The following ZNF536 variants were observed in gnomAD, a reference collection of about 807,000 sequenced individuals.
The protein encoded by ZNF536 is zinc finger protein 536.
Under a neutral mutation model 84.5 loss-of-function variants are expected in ZNF536, and 13 were observed. The ratio of observed to expected loss-of-function variants is 0.15; its 90% CI spans 0.10 to 0.24. ZNF536 has a LOEUF of 0.24. Among genes scored for constraint, ZNF536 ranks in the 10% least tolerant of loss-of-function variants. The pLI is 1.00. For missense variants in ZNF536, 1,536 were observed against 1,747.5 expected (o/e 0.88, Z 2.16); for synonymous variants, 811 against 742.5 (o/e 1.09, Z -1.50).
chr19:30,501,382 T>G (rs1599604401), intron 2 of ZNF536, among the ~76,000 whole-genome samples: 1 of 152,212 alleles, frequency 6.6e-6, no homozygotes, highest in East Asian at 1.9e-4. Flanking sequence ...TCTGACATCA[T>G]AGCTCATGCT....
chr19:30,283,698 G>A (rs2045531387), intron 1 of ZNF536, among the ~76,000 whole-genome samples: 1 of 151,836 alleles, frequency 6.6e-6, no homozygotes. Context: ...TTCACTTTGA[G>A]AATTCTAAAG....
intron 2 of ZNF536, among the ~76,000 whole-genome samples, chr19:30,471,828 G>A (rs1468584979): frequency 2.6e-5 from 4 of 152,170 alleles, no homozygotes; most frequent in Non-Finnish European, 5.9e-5. Context: ...CAGCAACTCT[G>A]TAATTTTTTT....
chr19:30,400,379 T>A (rs1358804233), intron 1 of ZNF536, among the ~76,000 whole-genome samples: 1 of 152,250 alleles, frequency 6.6e-6, no homozygotes, highest in Non-Finnish European at 1.5e-5. Flanking sequence ...GTTTGCATCC[T>A]CAGCAGCATT....
chr19:30,660,255 G>A (rs2050076723), intron 1 of ZNF536, among the ~76,000 whole-genome samples: 1 of 152,122 alleles, frequency 6.6e-6, no homozygotes, highest in African/African-American at 2.4e-5. Context: ...TGCAGTTTCA[G>A]CACCCAGGCT....
intron 1 of ZNF536, among the ~76,000 whole-genome samples, chr19:30,612,487 G>T (rs1568602669): frequency 6.6e-6 from 1 of 152,158 alleles, no homozygotes; most frequent in Non-Finnish European, 1.5e-5. Context: ...CATGGAGAGA[G>T]GAAAACACGG....
chr19:30,319,944 C>T lies in ZNF536; in HGVS notation c.-119-32424C>T, dbSNP rs1234873305. 3.3e-5 allele frequency among the ~76,000 whole-genome samples: 5 copies of T among 152,222 alleles called. No individual in the cohort carries two copies. The East Asian group carries it at 9.7e-4, about 29-fold the overall frequency. On this transcript the variant is annotated intron_variant, in intron 2 of 5. Transcript: ENST00000585628. ...GTTTTGGGGAAAAAAATGGAGATAGCTTTGTGTGCTCTTACTTTTTATAGC... is the reference window on the plus strand; with the variant it reads ...GTTTTGGGGAAAAAAATGGAGATAGTTTTGTGTGCTCTTACTTTTTATAGC...
chr19:30,618,716 T>C (rs528565621), intron 1 of ZNF536, among the ~76,000 whole-genome samples: 6 of 152,164 alleles, frequency 3.9e-5, no homozygotes, highest in Non-Finnish European at 8.8e-5. Context: ...ATTTTCATAA[T>C]ACTCTCAAAT....
At chr19:30,266,205 T>G (rs1010445279) in intron 1 of ZNF536, among the ~76,000 whole-genome samples, 1 of 152,180 alleles carries the variant, frequency 6.6e-6, no homozygotes, top group Non-Finnish European at 1.5e-5. Flanking sequence ...CGAGCCACCA[T>G]GCCTGGCTAA....
At chr19:30,382,113 C>T (rs986935526) in intron 1 of ZNF536, among the ~76,000 whole-genome samples, 65 of 152,278 alleles carry the variant, frequency 4.3e-4, no homozygotes, top group Middle Eastern at 3.4e-3. Flanking sequence ...TTCTTTTCCA[C>T]GGATTGCTAC....
downstream of ZNF536, among the ~76,000 whole-genome samples, chr19:30,559,419 A>C (rs2046078502): frequency 6.6e-6 from 1 of 152,162 alleles, no homozygotes; most frequent in South Asian, 2.1e-4. Flanking sequence ...GCCCCAGGAG[A>C]GGTTTTTCTT....
chr19:30,496,689 G>T (rs2054732868), intron 2 of ZNF536, among the ~76,000 whole-genome samples: 1 of 152,070 alleles, frequency 6.6e-6, no homozygotes, highest in Admixed American at 6.5e-5. Context: ...GAGATGGGGG[G>T]GTTTGGGCAG....
chr19:30,434,036 C>T (rs117793228), intron 1 of ZNF536, among the ~76,000 whole-genome samples: 11 of 151,840 alleles, frequency 7.2e-5, no homozygotes, highest in Admixed American at 3.9e-4. Context: ...TCTGTTAGAG[C>T]GATAAAGAAA....
intron 1 of ZNF536, among the ~76,000 whole-genome samples, chr19:30,577,306 C>T (rs1281978585): frequency 2.0e-5 from 3 of 151,928 alleles, no homozygotes; most frequent in Admixed American, 6.6e-5. Flanking sequence ...GAGTTATAAA[C>T]CCCCGAAAAA....
At chr19:30,656,074 C>A (rs943117996) in intron 1 of ZNF536, among the ~76,000 whole-genome samples, 2 of 151,976 alleles carry the variant, frequency 1.3e-5, no homozygotes, top group African/African-American at 4.8e-5. Flanking sequence ...CTTTCATTGA[C>A]ATCTGCATGT....
At chr19:30,400,234 AG>A (rs1297738744) in intron 1 of ZNF536, among the ~76,000 whole-genome samples, 1 of 152,162 alleles carries the variant, frequency 6.6e-6, no homozygotes, top group Non-Finnish European at 1.5e-5. Flanking sequence ...TTCTAATATA[AG>A]GGCTCAGAAG....
At chr19:30,672,593 A>G (rs757246060) in intron 1 of ZNF536, among the ~76,000 whole-genome samples, 3 of 152,172 alleles carry the variant, frequency 2.0e-5, no homozygotes, top group Non-Finnish European at 4.4e-5. Flanking sequence ...CTCCAATCCT[A>G]GCTCAAGAAT....
intron 1 of ZNF536, among the ~76,000 whole-genome samples, chr19:30,642,169 G>A (rs532090463): frequency 7.2e-5 from 11 of 152,264 alleles, no homozygotes; most frequent in South Asian, 2.1e-4. Context: ...AAGGAACCCC[G>A]TGGTGACTCT....
At chr19:30,590,105 T>G (rs774932735) in intron 1 of ZNF536, among the ~76,000 whole-genome samples, 58 of 152,194 alleles carry the variant, frequency 3.8e-4, no homozygotes, top group Non-Finnish European at 7.8e-4. Context: ...CCTCCTTCTC[T>G]CCAGCAGGCC....
At chr19:30,298,851 G>A (rs886673563) in intron 2 of ZNF536, among the ~76,000 whole-genome samples, 5 of 152,216 alleles carry the variant, frequency 3.3e-5, no homozygotes, top group Admixed American at 3.3e-4. Flanking sequence ...TTACTTCTCA[G>A]CTGCAAGACT....
Sources: allele counts gnomAD v4.1 joint callset (sites outside exome capture counted in the v4.1 genomes callset), GRCh38; gene constraint gnomAD v4.1.1; transcripts MANE v1.5; gene names NCBI Gene and HGNC (gene_info 2026-07-23, HGNC 2026-07-21).